ARF4: variants seen among roughly 807,000 people sequenced by gnomAD.
ARF4 encodes the protein ADP-ribosylation factor 4.
ARF4 carries 5 observed loss-of-function variants against 24.3 expected under a neutral mutation model. The ratio of observed to expected loss-of-function variants is 0.21; its 90% CI spans 0.11 to 0.43. The LOEUF (loss-of-function observed/expected upper bound fraction) is 0.43. Among genes scored for constraint, ARF4 ranks in the 20% least tolerant of loss-of-function variants. The pLI is 1.00. For missense variants in ARF4, 107 were observed against 213.0 expected (o/e 0.50, Z 3.10); for synonymous variants, 62 against 73.5 (o/e 0.84, Z 0.80).
In ARF4 at chr3:57,597,230, G is replaced by A. The variant is rs1024600034; in HGVS notation, c.-90C>T. The A allele has an allele frequency of 4.0e-6, 5 of 1,254,304 alleles. No homozygotes were observed. Among genetic ancestry groups the A allele is most frequent in the African/African-American group, 1.5e-5 (1 of 67,030 alleles). 77.7% of individuals were successfully genotyped at this position (1,254,304 alleles called of 1,614,324 possible). A position where few individuals can be genotyped will look rare whatever the true frequency, so the allele number is the denominator to read the frequency against. ...TTTCAAGCTCCCAGGCAAACTAAAC[G>A]AGAGGGAAGAGAAAGAGCGGAGGAA... is the stretch of plus-strand genomic sequence containing the variant. On this transcript the variant is annotated 5_prime_UTR_variant, in exon 1 of 6. Coordinates refer to ENST00000303436, the MANE Select transcript of ARF4 (RefSeq NM_001660.4).
At chr3:57,574,076 G>A (rs2069874730) in intron 5 of ARF4, among the ~76,000 whole-genome samples, 1 of 152,136 alleles carries the variant, frequency 6.6e-6, no homozygotes, top group South Asian at 2.1e-4. Flanking sequence ...AGAGTAGCTG[G>A]GCTTGCAGAT....
At chr3:57,590,189 A>T (rs953339563) in intron 1 of ARF4, among the ~76,000 whole-genome samples, 1 of 151,406 alleles carries the variant, frequency 6.6e-6, no homozygotes, top group Non-Finnish European at 1.5e-5. Context: ...TATCATAATT[A>T]GTGATGAAAA....
At chr3:57,588,359 G>A (rs988568295) in intron 1 of ARF4, among the ~76,000 whole-genome samples, 5 of 152,118 alleles carry the variant, frequency 3.3e-5, no homozygotes, top group African/African-American at 9.7e-5. Context: ...GAGCCCAGGA[G>A]TTTGAAACCA....
In ARF4 at chr3:57,584,301, C is replaced by G. The variant is rs1388415956; in HGVS notation, c.148+83G>C. 6 of 1,249,364 alleles carry G rather than the reference C, an allele frequency of 4.8e-6. No homozygotes were observed. The South Asian group carries it at 7.8e-5, about 16-fold the overall frequency. 77.4% of individuals were successfully genotyped at this position (1,249,364 alleles called of 1,614,324 possible). A position where few individuals can be genotyped will look rare whatever the true frequency, so the allele number is the denominator to read the frequency against. ...CTTCTAAGATAATCAACATGCTTAACAAAAAGACAATCTCAAAACTAGACT... is the reference window on the plus strand; with the variant it reads ...CTTCTAAGATAATCAACATGCTTAAGAAAAAGACAATCTCAAAACTAGACT... On this transcript the variant is annotated intron_variant, in intron 2 of 5. Transcript: ENST00000303436.
chr3:57,572,667 C>T (rs1251467190), intron 5 of ARF4, among the ~76,000 whole-genome samples: 2 of 152,130 alleles, frequency 1.3e-5, no homozygotes, highest in African/African-American at 4.8e-5. Context: ...CAGAGTGAGA[C>T]TCCGTCTCAA....
chr3:57,586,389 CAAGT>C (rs2070037074), intron 1 of ARF4, among the ~76,000 whole-genome samples: 3 of 152,290 alleles, frequency 2.0e-5, no homozygotes, highest in Admixed American at 2.0e-4. Flanking sequence ...CATTCCTATG[CAAGT>C]AAGTCTATCT....
At chr3:57,580,738 T>C (rs2069960268) in intron 3 of ARF4, among the ~76,000 whole-genome samples, 1 of 151,752 alleles carries the variant, frequency 6.6e-6, no homozygotes, top group Non-Finnish European at 1.5e-5. Context: ...AAAAGGGACC[T>C]AATTTTATTT....
At chr3:57,578,890 A>AGG (rs145241901) in intron 3 of ARF4, among the ~76,000 whole-genome samples, 13 of 150,282 alleles carry the variant, frequency 8.7e-5, no homozygotes, top group South Asian at 6.3e-4. Context: ...CAGCTAGAAA[A>AGG]GGGGGGGGGC....
chr3:57,593,669 A>G (rs1478353944), intron 1 of ARF4, among the ~76,000 whole-genome samples: 1 of 152,350 alleles, frequency 6.6e-6, no homozygotes, highest in East Asian at 1.9e-4. Context: ...ATTTTTGGAT[A>G]TATACATAAT....
At chr3:57,581,502 C>A (rs998736255) in intron 3 of ARF4, among the ~76,000 whole-genome samples, 1 of 152,158 alleles carries the variant, frequency 6.6e-6, no homozygotes, top group African/African-American at 2.4e-5. Flanking sequence ...TCATATCTAA[C>A]TCTTTCAAAA....
At chr3:57,584,783 CATAA>C (rs1284502317) in intron 1 of ARF4, among the ~76,000 whole-genome samples, 2 of 147,242 alleles carry the variant, frequency 1.4e-5, no homozygotes, top group African/African-American at 5.0e-5. Context: ...AGAAATTAGC[CATAA>C]ATAAAGGGAC....
At chr3:57,585,009 G>A (rs1048238537) in intron 1 of ARF4, among the ~76,000 whole-genome samples, 47 of 151,896 alleles carry the variant, frequency 3.1e-4, no homozygotes, top group Non-Finnish European at 5.7e-4. Context: ...GACTACAGGC[G>A]CCCACCACCA....
chr3:57,591,065 AC>A (rs1484016128), intron 1 of ARF4, among the ~76,000 whole-genome samples: 1 of 152,194 alleles, frequency 6.6e-6, no homozygotes, highest in Non-Finnish European at 1.5e-5. Flanking sequence ...AAACAGAAGA[AC>A]AGATATTTAA....
Position 57,597,203 on chromosome 3 carries a change from C to T in ARF4, c.-63G>A, listed in dbSNP as rs1436901074. On this transcript the variant is annotated 5_prime_UTR_variant, in exon 1 of 6. Transcript: ENST00000303436. ...GGTTTGGGGCGACCCCGTGCTTTCT[C>T]CTTTCAAGCTCCCAGGCAAACTAAA... is the stretch of plus-strand genomic sequence containing the variant. 34 of 1,493,760 alleles carry T rather than the reference C, an allele frequency of 2.3e-5. No homozygotes were observed. In the East Asian group the frequency reaches 7.3e-4, roughly 32 times the overall value. 92.5% of individuals were successfully genotyped at this position (1,493,760 alleles called of 1,614,324 possible). A position where few individuals can be genotyped will look rare whatever the true frequency, so the allele number is the denominator to read the frequency against.
intron 3 of ARF4, among the ~76,000 whole-genome samples, chr3:57,583,419 C>T (rs2069999835): frequency 6.6e-6 from 1 of 152,144 alleles, no homozygotes; most frequent in African/African-American, 2.4e-5. Flanking sequence ...ACTAAAGTCT[C>T]TTCCATGCCA....
At chr3:57,594,814 T>G (rs1179900033) in intron 1 of ARF4, among the ~76,000 whole-genome samples, 1 of 152,228 alleles carries the variant, frequency 6.6e-6, no homozygotes, top group Non-Finnish European at 1.5e-5. Context: ...AAGTGATCTA[T>G]TATTTTTGCT....
intron 1 of ARF4, among the ~76,000 whole-genome samples, chr3:57,585,265 G>C (rs751964397): frequency 7.2e-5 from 11 of 152,218 alleles, no homozygotes; most frequent in Non-Finnish European, 1.3e-4. Flanking sequence ...CTTATTTACA[G>C]AGTAAAATTT....
chr3:57,586,094 C>T (rs935391546), intron 1 of ARF4, among the ~76,000 whole-genome samples: 2 of 152,154 alleles, frequency 1.3e-5, no homozygotes, highest in Admixed American at 6.6e-5. Flanking sequence ...AAATTAAATG[C>T]TTGTAAGTAT....
intron 3 of ARF4, among the ~76,000 whole-genome samples, chr3:57,582,989 ACTTGAGGGC>A (rs1363626107): frequency 3.3e-5 from 5 of 152,202 alleles, no homozygotes; most frequent in Admixed American, 3.3e-4. Context: ...TTTGGCTGCT[ACTTGAGGGC>A]AGCTGCTATT....
Sources: gnomAD v4.1 joint callset for allele counts (sites outside exome capture counted in the v4.1 genomes callset) on GRCh38, gnomAD v4.1.1 for gene constraint, MANE v1.5 for transcripts, NCBI Gene and HGNC (gene_info 2026-07-23, HGNC 2026-07-21) for gene names.